Variants in RASGRP1 observed in about 807,000 individuals in gnomAD.
RASGRP1 encodes RAS guanyl-releasing protein 1.
In RASGRP1, 37 loss-of-function variants were observed where a neutral mutation model predicts 95.1. The ratio of observed to expected loss-of-function variants is 0.39; its 90% CI spans 0.30 to 0.51. The LOEUF (loss-of-function observed/expected upper bound fraction) is 0.51. Ranked by LOEUF, RASGRP1 falls within the 20% of genes least tolerant of loss-of-function variation. The pLI, the probability that RASGRP1 is intolerant of heterozygous loss-of-function variation, is 0.80. For missense variants in RASGRP1, 711 were observed against 965.4 expected, an observed-to-expected ratio of 0.74 and a Z score of 3.49; for synonymous variants, 325 against 353.4, an observed-to-expected ratio of 0.92 and a Z score of 0.90.
chr15:38,496,141 T>C (rs1192346655), intron 15 of RASGRP1, among the ~76,000 whole-genome samples: 1 of 152,160 alleles, frequency 6.6e-6, no homozygotes, highest in African/African-American at 2.4e-5. Flanking sequence ...AAGAAATCAC[T>C]GGAAATTTTG....
At chr15:38,533,710 C>T (rs879306697) in intron 2 of RASGRP1, among the ~76,000 whole-genome samples, 5 of 152,088 alleles carry the variant, frequency 3.3e-5, no homozygotes, top group Non-Finnish European at 5.9e-5. Context: ...GGAGAACAAT[C>T]GGGAGAAAGC....
chr15:38,524,119 C>T (rs1272020689), intron 3 of RASGRP1: 1 of 152,190 alleles, frequency 6.6e-6, no homozygotes, highest in African/African-American at 2.4e-5. Flanking sequence ...GGTGCCGTGG[C>T]TCATGCCTGG....
At chr15:38,545,306 ATC>A (rs1375171707) in intron 2 of RASGRP1, among the ~76,000 whole-genome samples, 3 of 152,210 alleles carry the variant, frequency 2.0e-5, no homozygotes, top group Non-Finnish European at 4.4e-5. Flanking sequence ...CTAAACTTGA[ATC>A]TAATAGCATG....
chr15:38,524,117 G>A (rs1307901692), intron 3 of RASGRP1: 1 of 152,214 alleles, frequency 6.6e-6, no homozygotes, highest in Non-Finnish European at 1.5e-5. Context: ...TGGGTGCCGT[G>A]GCTCATGCCT....
intron 2 of RASGRP1, among the ~76,000 whole-genome samples, chr15:38,528,942 C>T (rs759095033): frequency 2.6e-5 from 4 of 152,128 alleles, no homozygotes; most frequent in African/African-American, 7.2e-5. Context: ...CATTGTTCCT[C>T]GCATCTGCCT....
intron 15 of RASGRP1, 114 bp downstream of exon 15, chr15:38,498,680 C>G: frequency 7.6e-7 from 1 of 1,312,932 alleles, no homozygotes; most frequent in South Asian, 1.5e-5. Flanking sequence ...CCTGGCCTAG[C>G]TGTTGAGGTT....
rs542957485 is a variant in RASGRP1, at chr15:38,540,054, C to T, written c.221-13650G>A. Among the ~76,000 whole-genome samples, 8 of 152,154 alleles carry T rather than the reference C, an allele frequency of 5.3e-5. No individual in the cohort carries two copies. In the East Asian group the frequency reaches 1.5e-3, roughly 29 times the overall value. ...ACCTCAGCCTCCTAAGTATCTGGGA[C>T]TATAGGCACACATCACCATGCCAGG... On this transcript the variant is annotated intron_variant, in intron 2 of 16. Coordinates refer to ENST00000310803, the MANE Select transcript of RASGRP1 (RefSeq NM_005739.4).
chr15:38,523,235 T>C (rs954407856), intron 3 of RASGRP1, among the ~76,000 whole-genome samples: 1 of 152,188 alleles, frequency 6.6e-6, no homozygotes, highest in Non-Finnish European at 1.5e-5. Flanking sequence ...GGACCACATA[T>C]ATGACAGTGG....
intron 2 of RASGRP1, among the ~76,000 whole-genome samples, chr15:38,532,987 G>T (rs559936087): frequency 2.0e-5 from 3 of 152,174 alleles, no homozygotes; most frequent in African/African-American, 7.2e-5. Flanking sequence ...TTGTCTGGGG[G>T]ATGAGATGGA....
intron 2 of RASGRP1, among the ~76,000 whole-genome samples, chr15:38,546,932 T>C (rs1466060378): frequency 6.6e-6 from 1 of 152,222 alleles, no homozygotes; most frequent in Non-Finnish European, 1.5e-5. Context: ...TTACGTTTTA[T>C]TGAAGTCCTG....
rs912150506 is a variant in RASGRP1, at chr15:38,560,190, C to T, written c.36-185G>A. The T allele has an allele frequency of 2.3e-5, 14 of 614,754 alleles. No homozygotes were observed. In the Admixed American group the frequency reaches 3.7e-4, roughly 16 times the overall value. 38.1% of individuals were successfully genotyped at this position (614,754 alleles called of 1,614,324 possible). On this transcript the variant is annotated intron_variant, in intron 1 of 16. Coordinates refer to ENST00000310803, the MANE Select transcript of RASGRP1 (RefSeq NM_005739.4). ...GGCTGTTAAAGAGACATCTCCCCAG[C>T]AAAGGTGAGATTTCAGGGTTGCAAC...
chr15:38,523,594 C>G (rs1451270286), intron 3 of RASGRP1, among the ~76,000 whole-genome samples: 1 of 152,056 alleles, frequency 6.6e-6, no homozygotes, highest in Non-Finnish European at 1.5e-5. Context: ...CAGTTATGTA[C>G]AGTAATGTCC....
chr15:38,522,290 T>C (rs945157170), intron 3 of RASGRP1, among the ~76,000 whole-genome samples: 1 of 152,226 alleles, frequency 6.6e-6, no homozygotes, highest in Non-Finnish European at 1.5e-5. Context: ...CAATCTTTTA[T>C]ATTATTAACC....
intron 2 of RASGRP1, among the ~76,000 whole-genome samples, chr15:38,555,017 C>T (rs2141191250): frequency 6.6e-6 from 1 of 152,362 alleles, no homozygotes; most frequent in Non-Finnish European, 1.5e-5. Flanking sequence ...TCTTATGCTC[C>T]TGTTGCCCTC....
Position 38,488,837 on chromosome 15 carries a change from C to T in RASGRP1, c.*1717G>A, listed in dbSNP as rs797007194. 6.6e-6 allele frequency: 1 copy of T among 151,960 alleles called. No individual in the cohort carries two copies. Among genetic ancestry groups the T allele is most frequent in the African/African-American group, 2.4e-5 (1 of 41,416 alleles). 9.4% of individuals were successfully genotyped at this position (151,960 alleles called of 1,614,324 possible). ...TTAAAAAGAAAGTAACAAAGTGTTA[C>T]TATAAGTTTATATGCCAGGTAGTGG... On this transcript the variant is annotated 3_prime_UTR_variant, in exon 17 of 17. Transcript: ENST00000310803.
At chr15:38,550,242 C>CAAAAAAAAAAA (rs56383365) in intron 2 of RASGRP1, among the ~76,000 whole-genome samples, 9 of 88,974 alleles carry the variant, frequency 1.0e-4, no homozygotes, top group Non-Finnish European at 1.5e-4. Context: ...ACTCTGTCGC[C>CAAAAAAAAAAA]AAAAAAAAAA....
At chr15:38,545,727 C>G (rs572893188) in intron 2 of RASGRP1, among the ~76,000 whole-genome samples, 156 of 152,252 alleles carry the variant, frequency 1.0e-3, no homozygotes, top group African/African-American at 3.6e-3. Context: ...ATGCAATAGT[C>G]TCCTAAAAGT....
At chr15:38,557,803 C>T (rs1040637843) in intron 2 of RASGRP1, among the ~76,000 whole-genome samples, 3 of 152,028 alleles carry the variant, frequency 2.0e-5, no homozygotes, top group Admixed American at 6.6e-5. Flanking sequence ...TTAGACTCAA[C>T]GGGACTTTTA....
At chr15:38,532,920 T>C (rs1323650853) in intron 2 of RASGRP1, among the ~76,000 whole-genome samples, 1 of 152,126 alleles carries the variant, frequency 6.6e-6, no homozygotes, top group Non-Finnish European at 1.5e-5. Flanking sequence ...AGGGTGGTGA[T>C]GCAGACCCTG....
Sources: allele counts gnomAD v4.1 joint callset (sites outside exome capture counted in the v4.1 genomes callset), GRCh38; gene constraint gnomAD v4.1.1; transcripts MANE v1.5; gene names NCBI Gene and HGNC (gene_info 2026-07-23, HGNC 2026-07-21).